The following KCNN2 variants were observed in gnomAD, a reference collection of about 807,000 sequenced individuals.
The protein encoded by KCNN2 is small conductance calcium-activated potassium channel protein 2.
KCNN2 carries 24 observed loss-of-function variants against 55.5 expected under a neutral mutation model. The observed-to-expected ratio is 0.43, with a 90% CI of 0.31 to 0.61. The LOEUF (loss-of-function observed/expected upper bound fraction) is 0.61, where lower values mean the gene tolerates loss of function less well. KCNN2 is among the 20% of genes least tolerant of loss of function. The probability of loss-of-function intolerance (pLI) is 0.08; values close to 1 mark genes in which losing one functional copy is unlikely to be tolerated. For synonymous variants in KCNN2, 431 were observed against 336.1 expected (o/e 1.28, Z -3.09); for missense variants, 754 against 853.6 (o/e 0.88, Z 1.45).
intron 1 of KCNN2, among the ~76,000 whole-genome samples, chr5:114,090,973 G>A (rs1025647908): frequency 6.6e-6 from 1 of 152,138 alleles, no homozygotes; most frequent in Admixed American, 6.5e-5. Flanking sequence ...GAGTGGCTGG[G>A]ACTACAGGCA....
intron 1 of KCNN2, among the ~76,000 whole-genome samples, chr5:114,145,379 A>G (rs951141712): frequency 2.0e-5 from 3 of 152,202 alleles, no homozygotes; most frequent in Admixed American, 6.5e-5. Context: ...ACACGTTGAG[A>G]GGACACACAG....
intron 1 of KCNN2, among the ~76,000 whole-genome samples, chr5:114,194,146 T>A (rs1242315568): frequency 6.6e-6 from 1 of 152,134 alleles, no homozygotes; most frequent in Non-Finnish European, 1.5e-5. Flanking sequence ...CATAGTACAA[T>A]AATACTATGA....
intron 1 of KCNN2, among the ~76,000 whole-genome samples, chr5:114,076,962 T>TG: frequency 6.6e-6 from 1 of 152,232 alleles, no homozygotes; most frequent in Non-Finnish European, 1.5e-5. Flanking sequence ...CCCAAAGTGA[T>TG]GGGATTACAG....
chr5:114,397,260 A>G (rs774723026), intron 2 of KCNN2, among the ~76,000 whole-genome samples: 1 of 152,174 alleles, frequency 6.6e-6, no homozygotes, highest in Non-Finnish European at 1.5e-5. Context: ...TGCTGGGTCT[A>G]CTGGTAATTC....
chr5:114,145,622 C>T (rs1305857830), intron 1 of KCNN2, among the ~76,000 whole-genome samples: 4 of 152,070 alleles, frequency 2.6e-5, no homozygotes, highest in African/African-American at 4.8e-5. Context: ...AAAGGGGTTC[C>T]GTCTTCTGAA....
chr5:114,395,628 A>T (rs1214177282), intron 2 of KCNN2, among the ~76,000 whole-genome samples: 2 of 152,232 alleles, frequency 1.3e-5, no homozygotes, highest in Admixed American at 6.5e-5. Context: ...TTAGATTTTC[A>T]TACTTGACAA....
rs59964515 is a variant in KCNN2, at chr5:114,312,434, CATATATATATATATATAT to C, written c.-184-48486_-184-48469del. ...ACACACACACACACACACACACACA[CATATATATATATATATAT>C]ATATATATATATATATATATATATG... is the stretch of plus-strand genomic sequence containing the variant. On this transcript the variant is annotated intron_variant, in intron 2 of 10. Transcript: ENST00000512097. Among the ~76,000 whole-genome samples the C allele has an allele frequency of 2.9e-3, 69 of 23,398 alleles. 1 individual carries two copies. The highest frequency in any genetic ancestry group is 9.7e-3 in the African/African-American group (66 of 6,798). The allele number at this position is 23,398 out of a possible 152,430, so 15.3% of individuals were successfully genotyped here. A position where few individuals can be genotyped will look rare whatever the true frequency, so the allele number is the denominator to read the frequency against.
intron 2 of KCNN2, among the ~76,000 whole-genome samples, chr5:114,234,296 GA>G (rs1348300864): frequency 6.6e-6 from 1 of 152,086 alleles, no homozygotes; most frequent in Non-Finnish European, 1.5e-5. Context: ...AACCATGTAA[GA>G]TCAGAATTTC....
chr5:114,341,386 A>C (rs1757012310), intron 2 of KCNN2, among the ~76,000 whole-genome samples: 1 of 152,218 alleles, frequency 6.6e-6, no homozygotes, highest in Admixed American at 6.5e-5. Context: ...GAAAGTTTGT[A>C]GGAGCTAGAA....
intron 1 of KCNN2, among the ~76,000 whole-genome samples, chr5:114,149,040 C>T (rs1053821297): frequency 1.4e-4 from 21 of 152,214 alleles, no homozygotes; most frequent in Admixed American, 1.4e-3. Flanking sequence ...CTAACAGGTC[C>T]ATAGAACCTT....
chr5:114,439,589 C>T (rs1760135275), intron 3 of KCNN2, among the ~76,000 whole-genome samples: 1 of 152,118 alleles, frequency 6.6e-6, no homozygotes, highest in Non-Finnish European at 1.5e-5. Context: ...GCCCAGGAAT[C>T]AGGGTTTTAA....
chr5:114,226,911 A>G (rs954955116), intron 2 of KCNN2, among the ~76,000 whole-genome samples: 1 of 151,894 alleles, frequency 6.6e-6, no homozygotes, highest in Non-Finnish European at 1.5e-5. Flanking sequence ...AAAAAAAAAA[A>G]AAAAAAAAAA....
chr5:114,469,797 T>C (rs1761634617), intron 4 of KCNN2, among the ~76,000 whole-genome samples: 1 of 152,184 alleles, frequency 6.6e-6, no homozygotes, highest in South Asian at 2.1e-4. Context: ...TGAGCCAGCT[T>C]CATCTTGCAT....
intron 2 of KCNN2, among the ~76,000 whole-genome samples, chr5:114,342,111 C>T (rs1025803159): frequency 1.1e-4 from 17 of 152,024 alleles, no homozygotes; most frequent in African/African-American, 3.9e-4. Flanking sequence ...CCGTGTTAGC[C>T]AGGATGGTCT....
At chr5:114,297,612 A>G (rs1394597496) in intron 2 of KCNN2, among the ~76,000 whole-genome samples, 2 of 152,160 alleles carry the variant, frequency 1.3e-5, no homozygotes, top group African/African-American at 4.8e-5. Context: ...CTGAGAATGT[A>G]TCCCTCCAAA....
At chr5:114,163,742 CA>C (rs1213072593) in intron 1 of KCNN2, among the ~76,000 whole-genome samples, 1 of 152,086 alleles carries the variant, frequency 6.6e-6, no homozygotes, top group Non-Finnish European at 1.5e-5. Flanking sequence ...ATTATACACA[CA>C]GTTTAGCATG....
intron 1 of KCNN2, among the ~76,000 whole-genome samples, chr5:114,197,771 G>A (rs1753589204): frequency 6.6e-6 from 1 of 152,098 alleles, no homozygotes; most frequent in South Asian, 2.1e-4. Context: ...GGAAAAAGGA[G>A]CTCCTACCTT....
At chr5:114,214,635 C>A (rs1042517765) in intron 1 of KCNN2, among the ~76,000 whole-genome samples, 1 of 152,042 alleles carries the variant, frequency 6.6e-6, no homozygotes, top group Non-Finnish European at 1.5e-5. Context: ...AGGTTTTTTC[C>A]TGTGTTCATT....
Position 114,202,585 on chromosome 5 carries a change from A to ATAT in KCNN2, c.-270-18894_-270-18893insATT, listed in dbSNP as rs1430105677. Among the ~76,000 whole-genome samples, 282 of 92,108 alleles carry ATAT rather than the reference A, an allele frequency of 3.1e-3. 1 individual carries two copies. The highest frequency in any genetic ancestry group is 0.011 in the Middle Eastern group (1 of 90). 60.4% of individuals were successfully genotyped at this position (92,108 alleles called of 152,430 possible). On this transcript the variant is annotated intron_variant, in intron 1 of 10. Transcript: ENST00000512097. ...TGTGTGTGTATATATATATATATAT[A>ATAT]TTTTTTTTTTTTTTTTCCCGAGACA...
Sources: allele counts gnomAD v4.1 joint callset (sites outside exome capture counted in the v4.1 genomes callset), GRCh38; gene constraint gnomAD v4.1.1; transcripts MANE v1.5; gene names NCBI Gene and HGNC (gene_info 2026-07-23, HGNC 2026-07-21).